The following LAP3 variants were observed in gnomAD, a reference collection of about 807,000 sequenced individuals.
LAP3 encodes the protein cytosol aminopeptidase.
Under a neutral mutation model 58.8 loss-of-function variants are expected in LAP3, and 46 were observed. The observed-to-expected ratio is 0.78, with a 90% CI of 0.62 to 1.00. The LOEUF is 1.00. Among genes scored for constraint, LAP3 ranks in the 50% least tolerant of loss-of-function variants. LAP3 has a pLI of 0.00. For missense variants in LAP3, 615 were observed against 659.1 expected (o/e 0.93, Z 0.73); for synonymous variants, 257 against 237.7 (o/e 1.08, Z -0.75).
At position 17,581,829 on chromosome 4, in the gene LAP3, T is replaced by C; in HGVS notation, c.273+15T>C. ...GTCTGCATCAGGTATGAGAAGAACG[T>C]GATCATTTGGTAAACCCTCAATGAG... On this transcript the variant is annotated intron_variant, in intron 3 of 12. Coordinates refer to ENST00000226299, the MANE Select transcript of LAP3 (RefSeq NM_015907.3). 5.0e-6 allele frequency: 8 copies of C among 1,609,860 alleles called. No homozygotes were observed. Among genetic ancestry groups the C allele is most frequent in the Non-Finnish European group, 6.8e-6 (8 of 1,176,272 alleles).
chr4:17,595,654 C>A, intron 8 of LAP3, 120 bp downstream of exon 8: 1 of 1,167,776 alleles, frequency 8.6e-7, no homozygotes, highest in Non-Finnish European at 1.2e-6. Context: ...TTTAAATAGT[C>A]ATCAAGCAGT....
intron 6 of LAP3, 37 bp downstream of exon 6, chr4:17,585,173 A>T: frequency 4.6e-6 from 7 of 1,527,984 alleles, no homozygotes; most frequent in African/African-American, 2.7e-5. Context: ...GAGATGTTAC[A>T]GCCAGAAGGA....
Position 17,595,508 on chromosome 4 carries a change from A to T in LAP3, c.962A>T (p.Lys321Met). ...TGCTCAGCCATCGTGTCTGCTGCAA[A>T]GCTTAATTTGCCCATTAATATTATA... is the stretch of plus-strand genomic sequence containing the variant. ...TICSAIVSAAKLNLPINIIGL... is the reference protein window; with the variant it reads ...TICSAIVSAAMLNLPINIIGL... The change falls in exon 8 of 13, where the codon AAG becomes ATG. Residue 321 changes from lysine (K) to methionine (M), a missense_variant. Coordinates refer to ENST00000226299, the MANE Select transcript of LAP3 (RefSeq NM_015907.3). 1.2e-6 allele frequency: 2 copies of T among 1,614,020 alleles called. No individual in the cohort carries two copies. The highest frequency in any genetic ancestry group is 1.7e-6 in the Non-Finnish European group (2 of 1,179,960).
At chr4:17,582,046 A>G in intron 3 of LAP3, 1 of 591,736 alleles carries the variant, frequency 1.7e-6, no homozygotes, top group South Asian at 2.2e-5. Flanking sequence ...GCTTACACAG[A>G]ATTATTTGCA....
Position 17,607,411 on chromosome 4 carries a change from C to A in LAP3, c.1382C>A (p.Ala461Glu), listed in dbSNP as rs989402530. ...GTCTTTCTCTTCAGATCTGCAGGAG[C>A]ATGTACAGCTGCAGCATTCCTGAAA... ...NNIGKYRSAG[A>E]CTAAAFLKEF... is the part of the protein sequence containing the mutation. The change falls in exon 13 of 13, where the codon GCA (alanine) becomes GAA (glutamate). Residue 461 changes from alanine to glutamate, a missense_variant. Transcript: ENST00000226299. The A allele has an allele frequency of 1.2e-6, 2 of 1,612,842 alleles. No individual in the cohort carries two copies. Among genetic ancestry groups the A allele is most frequent in the African/African-American group, 2.7e-5 (2 of 74,916 alleles).
chr4:17,598,197 C>A (rs1713881306), intron 9 of LAP3, among the ~76,000 whole-genome samples: 1 of 152,056 alleles, frequency 6.6e-6, no homozygotes, highest in Non-Finnish European at 1.5e-5. Flanking sequence ...TGGGGTTTCA[C>A]CATCTTGCCT....
At chr4:17,593,425 A>C (rs1713747760) in intron 7 of LAP3, among the ~76,000 whole-genome samples, 1 of 151,888 alleles carries the variant, frequency 6.6e-6, no homozygotes, top group South Asian at 2.1e-4. Context: ...TGTCCATATA[A>C]TTGTAGGTCT....
chr4:17,581,929 C>A, intron 3 of LAP3, 115 bp downstream of exon 3: 1 of 860,262 alleles, frequency 1.2e-6, no homozygotes, highest in Non-Finnish European at 1.9e-6. Flanking sequence ...GATTTTATTC[C>A]ACTATTAAGC....
intron 1 of LAP3, among the ~76,000 whole-genome samples, chr4:17,579,604 C>T (rs1223313225): frequency 5.9e-5 from 9 of 152,116 alleles, no homozygotes; most frequent in Admixed American, 5.2e-4. Flanking sequence ...ATGTCCAGGA[C>T]GGGCAGTGAT....
rs775143200 is a variant in LAP3, at chr4:17,582,274, T to C, written c.274-14T>C. On this transcript the variant is annotated splice_polypyrimidine_tract_variant and intron_variant, in intron 3 of 12. Transcript: ENST00000226299. ...AAGAAATAAAGTGGTTGATTTGGTG[T>C]ATCTGTGGGACAGGACTTCCCCAGC... The C allele has an allele frequency of 6.2e-7, 1 of 1,604,720 alleles. No individual in the cohort carries two copies.
rs199682718 is a variant in LAP3 at position 17,598,787 on chromosome 4, C to CT, written c.1180+230dup. Among the ~76,000 whole-genome samples, 1,372 of 152,006 alleles carry CT rather than the reference C, an allele frequency of 9.0e-3. 25 individuals carry two copies. Among genetic ancestry groups the CT allele is most frequent in the African/African-American group, 0.032 (1,326 of 41,456 alleles). Reference sequence around the variant, plus strand: ...TTTTTTTTTGAGACGGAGTGTCACTCTGTCATCCAGGCTGGAGTGCAGTGG... The same window carrying CT: ...TTTTTTTTTGAGACGGAGTGTCACTCTTGTCATCCAGGCTGGAGTGCAGTGG... On this transcript the variant is annotated intron_variant, in intron 10 of 12. Transcript: ENST00000226299.
intron 7 of LAP3, among the ~76,000 whole-genome samples, chr4:17,591,843 A>C (rs901644842): frequency 7.2e-5 from 11 of 151,982 alleles, no homozygotes; most frequent in Admixed American, 5.9e-4. Context: ...AGATTTTTGC[A>C]CTCTGCTCTG....
At chr4:17,577,646 C>A in intron 1 of LAP3, 79 bp downstream of exon 1, 1 of 1,154,238 alleles carries the variant, frequency 8.7e-7, no homozygotes, top group Admixed American at 2.6e-5. Context: ...CTGGTCGAAG[C>A]CGCGGTGTCC....
At chr4:17,592,990 G>A (rs954407822) in intron 7 of LAP3, among the ~76,000 whole-genome samples, 3 of 152,112 alleles carry the variant, frequency 2.0e-5, no homozygotes, top group Non-Finnish European at 4.4e-5. Flanking sequence ...GTAGAGACGG[G>A]TTTTCACCAT....
At chr4:17,589,049 G>T in intron 7 of LAP3, 72 bp downstream of exon 7, 1 of 1,475,764 alleles carries the variant, frequency 6.8e-7, no homozygotes, top group Non-Finnish European at 9.1e-7. Context: ...TTGGTTATAG[G>T]GTTTTTTGGT....
intron 10 of LAP3, among the ~76,000 whole-genome samples, chr4:17,601,534 C>A (rs776287666): frequency 1.3e-5 from 2 of 152,214 alleles, no homozygotes; most frequent in South Asian, 4.1e-4. Context: ...ATATAAAAAA[C>A]CACTAACTTG....
chr4:17,577,685 A>G (rs2109016434), intron 1 of LAP3, 118 bp downstream of exon 1: 1 of 750,294 alleles, frequency 1.3e-6, no homozygotes, highest in Non-Finnish European at 2.1e-6. Context: ...TGCAAAAATC[A>G]GTTTAAAAGA....
rs749008639 is a variant in LAP3 at position 17,579,911 on chromosome 4, G to A, written c.190G>A (p.Ala64Thr). Residue 64 changes from alanine to threonine, a missense_variant, in exon 2 of 13, where the codon GCT becomes ACT. By Grantham distance (58) the Ala-to-Thr change is moderately conservative (BLOSUM62 0). Coordinates refer to ENST00000226299, the MANE Select transcript of LAP3 (RefSeq NM_015907.3). ...SAGENFDKLL[A>T]GKLRETLNIS... The stretch of plus-strand genomic sequence containing the variant: ...AGGAGAGAATTTTGATAAATTGTTA[G>A]CTGGAAAGCTGAGAGAGACTTTGAA... 6.2e-7 allele frequency: 1 copy of A among 1,609,732 alleles called. No homozygotes were observed. The highest frequency in any genetic ancestry group is 1.1e-5 in the South Asian group (1 of 90,830).
At chr4:17,591,937 G>A (rs540332794) in intron 7 of LAP3, among the ~76,000 whole-genome samples, 13 of 148,774 alleles carry the variant, frequency 8.7e-5, no homozygotes, top group Non-Finnish European at 1.3e-4. Context: ...CCCTCTAAGT[G>A]GCCAGCTCAA....
Sources: gnomAD v4.1 joint callset for allele counts (sites outside exome capture counted in the v4.1 genomes callset) on GRCh38, gnomAD v4.1.1 for gene constraint, MANE v1.5 for transcripts, NCBI Gene and HGNC (gene_info 2026-07-23, HGNC 2026-07-21) for gene names.